Variants in NBPF12 observed in about 807,000 individuals in gnomAD.
NBPF12 encodes the protein NBPF family member NBPF12.
Under a neutral mutation model 146.4 loss-of-function variants are expected in NBPF12, and 115 were observed. The ratio of observed to expected loss-of-function variants is 0.79; its 90% confidence interval spans 0.68 to 0.92. NBPF12 has a LOEUF of 0.92. NBPF12 is among the 40% of genes least tolerant of loss of function. NBPF12 has a pLI of 0.00. For synonymous variants in NBPF12, 385 were observed against 508.9 expected, an observed-to-expected ratio of 0.76 and a Z score of 3.28; for missense variants, 1,205 against 1,326.8, an observed-to-expected ratio of 0.91 and a Z score of 1.43.
At chr1:146,975,531 T>C (rs1656936729) in intron 15 of NBPF12, 146 bp from the exon 19 acceptor site, 1 of 597,524 alleles carries the variant, frequency 1.7e-6, no homozygotes, top group Admixed American at 3.0e-5. Flanking sequence ...ATTCTTTCTC[T>C]TGGCCACAGA....
intron 13 of NBPF12, among the ~76,000 whole-genome samples, chr1:146,971,786 A>G (rs1392356915): frequency 0.019 from 2,904 of 150,884 alleles, 197 homozygotes; most frequent in African/African-American, 0.067. Flanking sequence ...TTAGCTATTA[A>G]TAAGAAGTCT....
chr1:146,986,152 T>C (rs1657746342), intron 23 of NBPF12, among the ~76,000 whole-genome samples, 200 bp from the exon 27 acceptor site: 3 of 147,252 alleles, frequency 2.0e-5, no homozygotes, highest in African/African-American at 5.0e-5. Flanking sequence ...TCTCTCTCTC[T>C]CCCTCTCCCT....
rs1459843449 is a variant in NBPF12 at position 146,962,295 on chromosome 1, G to T, written c.278+32G>T. 6 of 1,552,908 alleles carry T rather than the reference G, an allele frequency of 3.9e-6. No individual in the cohort carries two copies. The South Asian group carries it at 5.6e-5, about 14-fold the overall frequency. The stretch of plus-strand genomic sequence containing the variant: ...GGACCCCATGGGGGGAGGCAGGCGG[G>T]TAGGTGTGTAGATCTCTGAAGTACA... On this transcript the variant is annotated intron_variant, in intron 5 of 33. Transcript: ENST00000617844.
At position 146,971,276 on chromosome 1, in the gene NBPF12, C is replaced by A. The variant is rs1386267608; in HGVS notation, c.1473C>A (p.Ser491=). The A allele has an allele frequency of 5.0e-5, 80 of 1,612,356 alleles. No individual in the cohort carries two copies. In the South Asian group the frequency reaches 7.4e-4, roughly 15 times the overall value. The change falls in exon 13 of 34, where the codon TCC becomes TCA. Residue 491 remains serine (S), a synonymous_variant. Coordinates refer to ENST00000617844, the Ensembl canonical transcript of NBPF12. Reference sequence around the variant, plus strand: ...CAAATAGCCACGGCCCTTGTGACTCCAACCAGCCTCACAAGAACATCAAAA... The same window carrying A: ...CAAATAGCCACGGCCCTTGTGACTCAAACCAGCCTCACAAGAACATCAAAA...
chr1:146,966,379 G>T (rs1188332666), intron 8 of NBPF12, 85 bp from the exon 12 acceptor site: 2 of 1,139,336 alleles, frequency 1.8e-6, no homozygotes, highest in African/African-American at 1.5e-5. Flanking sequence ...ACACAAGGCT[G>T]CCAGTGACAT....
chr1:146,978,093 C>T (rs1266472092), intron 18 of NBPF12, among the ~76,000 whole-genome samples: 1 of 151,584 alleles, frequency 6.6e-6, no homozygotes, highest in Non-Finnish European at 1.5e-5. Flanking sequence ...CAGCTTTCAT[C>T]TGGATCTCCT....
intron 9 of NBPF12, among the ~76,000 whole-genome samples, chr1:146,967,503 A>T (rs1218393042): frequency 1.4e-4 from 21 of 149,662 alleles, no homozygotes; most frequent in South Asian, 1.1e-3. Context: ...TGTTAAAAAA[A>T]AATAATAATG....
At chr1:146,960,594 AG>A (rs1655787227) in intron 4 of NBPF12, among the ~76,000 whole-genome samples, 1 of 152,024 alleles carries the variant, frequency 6.6e-6, no homozygotes, top group Admixed American at 6.5e-5. Context: ...TTTCTCCAAG[AG>A]GCTCAATCGT....
At chr1:146,976,818 G>A (rs1200865194) in intron 16 of NBPF12, 111 bp from the exon 20 acceptor site, 9 of 562,854 alleles carry the variant, frequency 1.6e-5, no homozygotes, top group Non-Finnish European at 2.8e-5. Flanking sequence ...AGAGTTTTCA[G>A]TTGAACGGTG....
intron 30 of NBPF12, among the ~76,000 whole-genome samples, chr1:146,991,627 T>G (rs1163940684): frequency 1.3e-5 from 2 of 151,580 alleles, no homozygotes; most frequent in Non-Finnish European, 1.5e-5. Context: ...GTGTCTAAAA[T>G]TCTTGCATCC....
chr1:146,946,882 G>T (rs1352024872), upstream of NBPF12, among the ~76,000 whole-genome samples: 2 of 151,894 alleles, frequency 1.3e-5, no homozygotes, highest in Admixed American at 6.6e-5. Context: ...GATTTATTTA[G>T]TTTTTTGCAT....
At chr1:146,989,360 C>A (rs1657999505) in intron 27 of NBPF12, among the ~76,000 whole-genome samples, 1 of 148,692 alleles carries the variant, frequency 6.7e-6, no homozygotes, top group African/African-American at 2.5e-5. Context: ...CTGTCTCTGT[C>A]TCTGTCTCTG....
intron 13 of NBPF12, among the ~76,000 whole-genome samples, chr1:146,972,255 A>G (rs1413414148): frequency 6.6e-6 from 1 of 150,846 alleles, no homozygotes; most frequent in Non-Finnish European, 1.5e-5. Context: ...ATTAGCTGTC[A>G]TGTTACTTGG....
intron 4 of NBPF12, among the ~76,000 whole-genome samples, chr1:146,961,686 G>T (rs1469075978): frequency 6.6e-6 from 1 of 151,778 alleles, no homozygotes; most frequent in East Asian, 1.9e-4. Context: ...TCTGAATATT[G>T]ATTTAAAAAT....
At chr1:146,966,351 C>G in intron 8 of NBPF12, 113 bp from the exon 12 acceptor site, 2 of 963,284 alleles carry the variant, frequency 2.1e-6, no homozygotes. Flanking sequence ...ACCAGGGAAA[C>G]ATCATCTTCG....
chr1:146,962,372 A>C (rs1412922647), intron 5 of NBPF12, 109 bp downstream of exon 8: 5 of 891,394 alleles, frequency 5.6e-6, no homozygotes, highest in Non-Finnish European at 7.4e-6. Context: ...AAAGGGCAGA[A>C]ATTGCCATGG....
chr1:146,968,576 A>AG (rs1386431479), intron 10 of NBPF12, 26 bp downstream of exon 13: 2 of 1,551,600 alleles, frequency 1.3e-6, no homozygotes, highest in African/African-American at 3.0e-5. Flanking sequence ...GGGGGCAGGC[A>AG]GGGGGGCAGG....
chr1:146,971,155 G>T, intron 12 of NBPF12, 28 bp from the exon 16 acceptor site: 1 of 1,610,554 alleles, frequency 6.2e-7, no homozygotes, highest in Non-Finnish European at 8.5e-7. Flanking sequence ...TTAATCTTCT[G>T]TCATCTCTGT....
chr1:146,960,774 C>G (rs1214872760), intron 4 of NBPF12, among the ~76,000 whole-genome samples: 189 of 148,792 alleles, frequency 1.3e-3, no homozygotes, highest in East Asian at 8.0e-3. Context: ...GGTGATAGTA[C>G]CCAGTACCTG....
Sources: gnomAD v4.1 joint callset for allele counts (sites outside exome capture counted in the v4.1 genomes callset) on GRCh38, gnomAD v4.1.1 for gene constraint, MANE v1.5 for transcripts, NCBI Gene and HGNC (gene_info 2026-07-23, HGNC 2026-07-21) for gene names.